The following GRIK3 variants were observed in gnomAD, a reference collection of about 807,000 sequenced individuals.
The protein encoded by GRIK3 is glutamate receptor ionotropic, kainate 3.
GRIK3 carries 29 observed loss-of-function variants against 102.5 expected under a neutral mutation model. That is an observed-to-expected ratio of 0.28 (90% CI 0.21 to 0.39). The LOEUF is 0.39. Ranked by LOEUF, GRIK3 falls within the 10% of genes least tolerant of loss-of-function variation. The pLI, the probability that GRIK3 is intolerant of heterozygous loss-of-function variation, is 1.00. For synonymous variants in GRIK3, 511 were observed against 504.9 expected (o/e 1.01, Z -0.16); for missense variants, 908 against 1,252.4 (o/e 0.73, Z 4.15).
intron 1 of GRIK3, among the ~76,000 whole-genome samples, chr1:36,964,772 C>CTAATAGCA (rs1475245314): frequency 6.6e-6 from 1 of 152,146 alleles, no homozygotes; most frequent in Non-Finnish European, 1.5e-5. Flanking sequence ...ACAGCCATCA[C>CTAATAGCA]TAATAGCATC....
chr1:36,949,910 T>G (rs1012528411), intron 1 of GRIK3, among the ~76,000 whole-genome samples: 1 of 152,098 alleles, frequency 6.6e-6, no homozygotes, highest in Non-Finnish European at 1.5e-5. Flanking sequence ...ACAACCCCAC[T>G]TTACAGAGAA....
chr1:36,898,562 T>C (rs932588261), intron 1 of GRIK3, among the ~76,000 whole-genome samples: 1 of 152,202 alleles, frequency 6.6e-6, no homozygotes, highest in Non-Finnish European at 1.5e-5. Flanking sequence ...ATACATCCCA[T>C]GTTCATGGAC....
At chr1:36,953,253 C>A (rs561703645) in intron 1 of GRIK3, among the ~76,000 whole-genome samples, 2 of 152,116 alleles carry the variant, frequency 1.3e-5, no homozygotes, top group South Asian at 4.1e-4. Context: ...CTGGCAAGTG[C>A]GGAGCGTTCC....
intron 1 of GRIK3, among the ~76,000 whole-genome samples, chr1:36,961,660 T>C (rs1013707530): frequency 6.6e-6 from 1 of 152,240 alleles, no homozygotes; most frequent in African/African-American, 2.4e-5. Context: ...TCCTGCTGGC[T>C]CCGACATGAA....
chr1:36,868,610 A>G lies in GRIK3; in HGVS notation c.786+1138T>C, dbSNP rs561589010. 3.9e-5 allele frequency among the ~76,000 whole-genome samples: 6 copies of G among 152,300 alleles called. No individual in the cohort carries two copies. In the South Asian group the frequency reaches 1.0e-3, roughly 26 times the overall value. On this transcript the variant is annotated intron_variant, in intron 5 of 15. Transcript: ENST00000373091. Reference sequence around the variant, plus strand: ...AGTGATTTCAAGCTACCAACATGACATGGACTTAGGAGGAGATAATGCAAT... The same window carrying G: ...AGTGATTTCAAGCTACCAACATGACGTGGACTTAGGAGGAGATAATGCAAT...
intron 1 of GRIK3, among the ~76,000 whole-genome samples, chr1:37,021,068 A>C (rs367567406): frequency 6.6e-6 from 1 of 151,388 alleles, no homozygotes; most frequent in East Asian, 1.9e-4. Context: ...TTAAGACTGC[A>C]AATGTAAAAC....
intron 1 of GRIK3, among the ~76,000 whole-genome samples, chr1:36,991,260 C>G (rs1642360778): frequency 6.6e-6 from 1 of 152,220 alleles, no homozygotes; most frequent in Non-Finnish European, 1.5e-5. Context: ...ATCATAAATG[C>G]AGTTCCCTTT....
rs905768675 is a variant in GRIK3 at position 36,861,507 on chromosome 1, C to T, written c.787-1490G>A. Among the ~76,000 whole-genome samples, 5 of 152,138 alleles carry T rather than the reference C, an allele frequency of 3.3e-5. No homozygotes were observed. In the East Asian group the frequency reaches 5.8e-4, roughly 18 times the overall value. On this transcript the variant is annotated intron_variant, in intron 5 of 15. Coordinates refer to ENST00000373091, the MANE Select transcript of GRIK3 (RefSeq NM_000831.4). ...GTGCTTGACTCTCTGTGACTGCCACCGTCATGGGGAACATCCAGCCCCATC... is the reference window on the plus strand; with the variant it reads ...GTGCTTGACTCTCTGTGACTGCCACTGTCATGGGGAACATCCAGCCCCATC...
At chr1:36,814,518 C>CT (rs1158471326) in intron 13 of GRIK3, among the ~76,000 whole-genome samples, 1 of 136,396 alleles carries the variant, frequency 7.3e-6, no homozygotes, top group Non-Finnish European at 1.6e-5. Context: ...GACCCCCCCC[C>CT]CCCACACACA....
chr1:36,967,155 T>C (rs965893206), intron 1 of GRIK3, among the ~76,000 whole-genome samples: 3 of 152,208 alleles, frequency 2.0e-5, no homozygotes, highest in African/African-American at 4.8e-5. Flanking sequence ...TTTTAACCAC[T>C]AGACAATGAC....
chr1:36,811,447 G>A (rs1301155489), intron 13 of GRIK3, among the ~76,000 whole-genome samples: 2 of 152,310 alleles, frequency 1.3e-5, no homozygotes, highest in South Asian at 2.1e-4. Flanking sequence ...AATAAGCGAT[G>A]TGTGGCCCCT....
At chr1:36,855,645 C>T (rs1172978521) in intron 7 of GRIK3, among the ~76,000 whole-genome samples, 2 of 152,228 alleles carry the variant, frequency 1.3e-5, no homozygotes, top group Non-Finnish European at 2.9e-5. Flanking sequence ...ATATAGAGCG[C>T]TGAGCACAGT....
intron 1 of GRIK3, among the ~76,000 whole-genome samples, chr1:36,895,038 T>C (rs920958994): frequency 2.6e-5 from 4 of 152,086 alleles, no homozygotes; most frequent in Admixed American, 2.6e-4. Flanking sequence ...TCTACACGTG[T>C]GTGTTGCGGG....
At chr1:36,946,107 C>T (rs1641781510) in intron 1 of GRIK3, among the ~76,000 whole-genome samples, 1 of 152,250 alleles carries the variant, frequency 6.6e-6, no homozygotes, top group Admixed American at 6.5e-5. Context: ...GGCCTGTGAT[C>T]AGTGCAAAGC....
At chr1:36,856,276 G>A (rs906221408) in intron 7 of GRIK3, among the ~76,000 whole-genome samples, 22 of 152,214 alleles carry the variant, frequency 1.4e-4, no homozygotes, top group African/African-American at 4.1e-4. Context: ...CTTCCTGCCT[G>A]TCAGCTACAG....
chr1:36,938,290 G>C lies in GRIK3; in HGVS notation c.116-47194C>G, dbSNP rs114457321. ...CAGGCAGAGAGAGAGGATGGAGGAG[G>C]TAGGACCCGTTCCAGGTCAGGCAAT... On this transcript the variant is annotated intron_variant, in intron 1 of 15. Transcript: ENST00000373091. Among the ~76,000 whole-genome samples, 308 of 152,302 alleles carry C rather than the reference G, an allele frequency of 2.0e-3. 1 individual carries two copies. Among genetic ancestry groups the C allele is most frequent in the African/African-American group, 7.1e-3 (295 of 41,550 alleles).
At position 36,949,799 on chromosome 1, in the gene GRIK3, G is replaced by A. The variant is rs1216513319; in HGVS notation, c.116-58703C>T. ...TCACCATGTTGGCCAGGATGGTTTC[G>A]AACTTCTGACCTCAGGTGATCTGCC... On this transcript the variant is annotated intron_variant, in intron 1 of 15. Coordinates refer to ENST00000373091, the MANE Select transcript of GRIK3 (RefSeq NM_000831.4). 3.9e-5 allele frequency among the ~76,000 whole-genome samples: 6 copies of A among 152,080 alleles called. No homozygotes were observed. The East Asian group carries it at 5.8e-4, about 15-fold the overall frequency.
At chr1:36,908,032 A>G (rs939993326) in intron 1 of GRIK3, among the ~76,000 whole-genome samples, 1 of 152,142 alleles carries the variant, frequency 6.6e-6, no homozygotes, top group Non-Finnish European at 1.5e-5. Context: ...CAGGGTGGGG[A>G]CAATCTGCAG....
intron 1 of GRIK3, among the ~76,000 whole-genome samples, chr1:37,019,601 TGCCCCCGCATCCTGGA>T (rs1362272951): frequency 1.3e-5 from 2 of 152,140 alleles, no homozygotes; most frequent in African/African-American, 4.8e-5. Flanking sequence ...GCTGTTTCAT[TGCCCCCGCATCCTGGA>T]GCCCCCGCAA....
Sources: gnomAD v4.1 joint callset for allele counts (sites outside exome capture counted in the v4.1 genomes callset) on GRCh38, gnomAD v4.1.1 for gene constraint, MANE v1.5 for transcripts, NCBI Gene and HGNC (gene_info 2026-07-23, HGNC 2026-07-21) for gene names.